The following NRXN3 variants were observed in gnomAD, a reference collection of about 807,000 sequenced individuals.
NRXN3 encodes the protein neurexin 3.
In NRXN3, 32 loss-of-function variants were observed where a neutral mutation model predicts 137.6. That is an observed-to-expected ratio of 0.23 (90% CI 0.18 to 0.31). The LOEUF (loss-of-function observed/expected upper bound fraction) is 0.31, where lower values mean the gene tolerates loss of function less well. Among genes scored for constraint, NRXN3 ranks in the 10% least tolerant of loss-of-function variants. The pLI is 1.00. For missense variants in NRXN3, 1,574 were observed against 2,062.5 expected, an observed-to-expected ratio of 0.76 and a Z score of 4.59; for synonymous variants, 798 against 784.5, an observed-to-expected ratio of 1.02 and a Z score of -0.29.
chr14:79,198,092 T>A (rs1309863231), intron 15 of NRXN3, among the ~76,000 whole-genome samples: 1 of 152,232 alleles, frequency 6.6e-6, no homozygotes, highest in Admixed American at 6.5e-5. Context: ...GTTCCACTTC[T>A]GATTCCACTC....
chr14:78,200,359 G>T (rs1202148555), intron 1 of NRXN3, among the ~76,000 whole-genome samples: 1 of 152,190 alleles, frequency 6.6e-6, no homozygotes, highest in East Asian at 1.9e-4. Context: ...GCAACTTGGG[G>T]GATGGGGTTC....
At position 78,709,376 on chromosome 14, in the gene NRXN3, C is replaced by G; in HGVS notation, c.1381C>G (p.Pro461Ala). ...FETPEAYISLPKWNTKRMGSI... is the reference protein window; with the variant it reads ...FETPEAYISLAKWNTKRMGSI... ...GACCCCAGAGGCTTACATCAGCTTG[C>G]CCAAGTGGAACACTAAACGTATGGG... is the stretch of plus-strand genomic sequence containing the variant. Residue 461 changes from proline to alanine, a missense_variant, in exon 7 of 21, where the codon CCC (proline) becomes GCC (alanine). By Grantham distance (27) the Pro-to-Ala change is conservative (BLOSUM62 -1). This residue lies in a region of NRXN3 where 718 missense variants were observed against 887.6 expected (regional missense o/e 0.81). Transcript: ENST00000335750. 6.2e-7 allele frequency: 1 copy of G among 1,614,128 alleles called. No homozygotes were observed. The highest frequency in any genetic ancestry group is 8.5e-7 in the Non-Finnish European group (1 of 1,180,006).
chr14:78,384,044 A>G (rs1001680994), intron 4 of NRXN3, among the ~76,000 whole-genome samples: 3 of 152,220 alleles, frequency 2.0e-5, no homozygotes, highest in Non-Finnish European at 4.4e-5. Flanking sequence ...CAGTCTATGT[A>G]CCAGGAAGTG....
At chr14:78,254,479 A>T (rs1014503303) in intron 2 of NRXN3, among the ~76,000 whole-genome samples, 8 of 151,930 alleles carry the variant, frequency 5.3e-5, no homozygotes, top group Non-Finnish European at 1.2e-4. Context: ...AGGACATCGA[A>T]ATCATCCTGG....
intron 10 of NRXN3, among the ~76,000 whole-genome samples, chr14:78,829,145 C>G (rs1318467804): frequency 6.6e-6 from 1 of 152,158 alleles, no homozygotes; most frequent in Non-Finnish European, 1.5e-5. Context: ...ACTGTTATCT[C>G]TATCTTGAAC....
intron 16 of NRXN3, among the ~76,000 whole-genome samples, chr14:79,518,980 A>G (rs2153699981): frequency 6.6e-6 from 1 of 152,286 alleles, no homozygotes; most frequent in Non-Finnish European, 1.5e-5. Flanking sequence ...GCCACAGAAC[A>G]ATTAACTTGG....
chr14:79,451,782 G>C (rs1017329111), intron 15 of NRXN3, among the ~76,000 whole-genome samples: 1 of 152,164 alleles, frequency 6.6e-6, no homozygotes, highest in Non-Finnish European at 1.5e-5. Context: ...TCTTACTGCT[G>C]GTTTAAGAGA....
intron 15 of NRXN3, among the ~76,000 whole-genome samples, chr14:79,008,487 G>T (rs1405574692): frequency 1.3e-5 from 2 of 152,066 alleles, no homozygotes; most frequent in South Asian, 4.1e-4. Context: ...CAACTTAAGA[G>T]TTATAGATTT....
At chr14:79,380,680 C>G (rs1266132158) in intron 15 of NRXN3, among the ~76,000 whole-genome samples, 2 of 152,040 alleles carry the variant, frequency 1.3e-5, no homozygotes, top group African/African-American at 4.8e-5. Flanking sequence ...GTCTTTATAG[C>G]AGTATGATTT....
intron 19 of NRXN3, among the ~76,000 whole-genome samples, chr14:79,793,651 A>G (rs2099152397): frequency 6.6e-6 from 1 of 152,042 alleles, no homozygotes; most frequent in Admixed American, 6.6e-5. Flanking sequence ...AAAAATCCAG[A>G]AAAAAAAGTG....
At chr14:78,464,328 T>G (rs2095032805) in intron 4 of NRXN3, among the ~76,000 whole-genome samples, 2 of 152,228 alleles carry the variant, frequency 1.3e-5, no homozygotes, top group Admixed American at 1.3e-4. Flanking sequence ...AGTGCTGGGA[T>G]TATAGGCGTT....
chr14:78,190,216 C>T (rs2060586007), intron 1 of NRXN3, among the ~76,000 whole-genome samples: 1 of 152,216 alleles, frequency 6.6e-6, no homozygotes, highest in Non-Finnish European at 1.5e-5. Context: ...GAGAATGTCT[C>T]ACCCTCCTAT....
intron 4 of NRXN3, among the ~76,000 whole-genome samples, chr14:78,336,650 G>A (rs2081510152): frequency 6.6e-6 from 1 of 152,192 alleles, no homozygotes; most frequent in Non-Finnish European, 1.5e-5. Context: ...AGGAGAGTAA[G>A]TGCCTCTAGA....
Position 78,939,039 on chromosome 14 carries a change from G to T in NRXN3, c.2276-18203G>T, listed in dbSNP as rs1291880761. 3.3e-5 allele frequency among the ~76,000 whole-genome samples: 5 copies of T among 151,784 alleles called. No homozygotes were observed. The East Asian group carries it at 7.8e-4, about 24-fold the overall frequency. ...TTTTTGTATTTTTAGTAGAGACGGGGTTTCACCGTGTTAGCCAGGATGGTC... is the reference window on the plus strand; with the variant it reads ...TTTTTGTATTTTTAGTAGAGACGGGTTTTCACCGTGTTAGCCAGGATGGTC... On this transcript the variant is annotated intron_variant, in intron 10 of 20. Coordinates refer to ENST00000335750, the MANE Select transcript of NRXN3 (RefSeq NM_001330195.2).
At chr14:78,834,623 A>T (rs927131451) in intron 10 of NRXN3, among the ~76,000 whole-genome samples, 1 of 152,120 alleles carries the variant, frequency 6.6e-6, no homozygotes. Context: ...CTTTTTAAAC[A>T]TACCACTGAG....
intron 17 of NRXN3, among the ~76,000 whole-genome samples, chr14:79,687,899 T>A (rs1230017759): frequency 6.6e-6 from 1 of 152,188 alleles, no homozygotes; most frequent in Non-Finnish European, 1.5e-5. Flanking sequence ...GTTTTGGAAA[T>A]GGGCTTAGCT....
At chr14:79,059,257 T>TTTTTTTTCTTTTC (rs2099670932) in intron 15 of NRXN3, among the ~76,000 whole-genome samples, 13 of 30,442 alleles carry the variant, frequency 4.3e-4, no homozygotes, top group African/African-American at 7.0e-4. Flanking sequence ...ATTCTTTTTT[T>TTTTTTTTCTTTTC]TTTTTTTTTT....
intron 1 of NRXN3, among the ~76,000 whole-genome samples, chr14:78,174,960 G>A (rs1305884986): frequency 6.6e-6 from 1 of 152,132 alleles, no homozygotes; most frequent in African/African-American, 2.4e-5. Flanking sequence ...AGCTCGGGAG[G>A]GTGGTCTTGC....
intron 16 of NRXN3, among the ~76,000 whole-genome samples, chr14:79,636,300 T>C (rs2098402954): frequency 6.6e-6 from 1 of 152,238 alleles, no homozygotes; most frequent in African/African-American, 2.4e-5. Flanking sequence ...ATGGTGCCCC[T>C]AATCAACAAA....
Sources: allele counts gnomAD v4.1 joint callset (sites outside exome capture counted in the v4.1 genomes callset), GRCh38; gene constraint gnomAD v4.1.1; regional missense constraint gnomAD v4.1.1; transcripts MANE v1.5; gene names NCBI Gene and HGNC (gene_info 2026-07-23, HGNC 2026-07-21).